The following GCM1 variants were observed in gnomAD, a reference collection of about 807,000 sequenced individuals.
GCM1 encodes GCM transcription factor 1.
In GCM1, 2 loss-of-function variants were observed where a neutral mutation model predicts 25.7. The ratio of observed to expected loss-of-function variants is 0.08; its 90% CI spans 0.03 to 0.24. GCM1 has a LOEUF of 0.24. Among genes scored for constraint, GCM1 ranks in the 10% least tolerant of loss-of-function variants. GCM1 has a pLI of 1.00. For missense variants in GCM1, 395 were observed against 538.7 expected, an observed-to-expected ratio of 0.73 and a Z score of 2.64; for synonymous variants, 183 against 195.7, an observed-to-expected ratio of 0.94 and a Z score of 0.54.
At chr6:53,132,354 A>T (rs1380175815) in intron 3 of GCM1, among the ~76,000 whole-genome samples, 1 of 152,200 alleles carries the variant, frequency 6.6e-6, no homozygotes, top group Non-Finnish European at 1.5e-5. Flanking sequence ...ACCAAGTAGG[A>T]TATTTCACAG....
Position 53,128,650 on chromosome 6 carries a change from A to G in GCM1, c.867T>C (p.Ser289=). 1 of 1,613,958 alleles carries G rather than the reference A, an allele frequency of 6.2e-7. No homozygotes were observed. The highest frequency in any genetic ancestry group is 8.5e-7 in the Non-Finnish European group (1 of 1,179,816). The change falls in exon 6 of 6, where the codon TCT becomes TCC. Residue 289 remains serine (S), a synonymous_variant. Transcript: ENST00000259803. ...LLPPSASGVY[S]DHGDLQAWSK... ...TCCACGCTTGTAGATCGCCATGATC[A>G]GAGTAGACTCCGGAGGCAGAAGGAG...
chr6:53,131,994 T>C lies in GCM1; in HGVS notation c.441+13A>G, dbSNP rs1480706945. 1 of 1,513,708 alleles carries C rather than the reference T, an allele frequency of 6.6e-7. No homozygotes were observed. Among genetic ancestry groups the C allele is most frequent in the Admixed American group, 1.7e-5 (1 of 59,896 alleles). The allele number at this position is 1,513,708 out of a possible 1,614,324, so 93.8% of individuals were successfully genotyped here. On this transcript the variant is annotated intron_variant, in intron 4 of 5. Coordinates refer to ENST00000259803, the MANE Select transcript of GCM1 (RefSeq NM_003643.4). ...GTAATGAAACTCTCACGTAACTAAC[T>C]CAAAAATCCAACCTGGAAAAATATA...
rs10629921 is a variant in GCM1 at position 53,140,530 on chromosome 6, CA to C, written c.75+5027del. Among the ~76,000 whole-genome samples, 262 of 128,544 alleles carry C rather than the reference CA, an allele frequency of 2.0e-3. 1 individual carries two copies. Among genetic ancestry groups the C allele is most frequent in the African/African-American group, 6.1e-3 (213 of 35,200 alleles). 84.3% of individuals were successfully genotyped at this position (128,544 alleles called of 152,430 possible). A position where few individuals can be genotyped will look rare whatever the true frequency, so the allele number is the denominator to read the frequency against. On this transcript the variant is annotated intron_variant, in intron 2 of 5. Transcript: ENST00000259803. ...CTATACTAGAGAATGTTCTCTCTAC[CA>C]AAAAAAAAAAAAAAAAGTACTTAAA...
intron 1 of GCM1, among the ~76,000 whole-genome samples, chr6:53,146,954 A>T (rs1246966136): frequency 2.0e-5 from 3 of 152,146 alleles, no homozygotes; most frequent in Non-Finnish European, 2.9e-5. Context: ...GGATTACCCG[A>T]GCCCAGGAGG....
At chr6:53,131,081 C>T (rs756270055) in intron 4 of GCM1, 150 bp from the exon 5 acceptor site, 90 of 696,918 alleles carry the variant, frequency 1.3e-4, no homozygotes, top group Admixed American at 7.6e-5. Flanking sequence ...CCTCTGAAGG[C>T]GCTCCCAAGC....
At chr6:53,148,100 T>A (rs375586663) in intron 1 of GCM1, among the ~76,000 whole-genome samples, 4 of 152,214 alleles carry the variant, frequency 2.6e-5, no homozygotes, top group Non-Finnish European at 5.9e-5. Context: ...AGTAAAATTC[T>A]ATGTTTAGGA....
rs745761112 is a variant in GCM1 at position 53,130,835 on chromosome 6, A to G, written c.538T>C (p.Ser180Pro). ...TCTGTGCTCCCCTTCAGGCTCAATG[A>G]GACGGAGGAAGGTGCTGTGTTCACT... ...KKVNTAPSSV[S>P]LSLKGSTETR... The change falls in exon 5 of 6, where the codon TCA becomes CCA. Residue 180 changes from serine (S) to proline (P), a missense_variant. Transcript: ENST00000259803. The G allele has an allele frequency of 6.2e-7, 1 of 1,613,908 alleles. No individual in the cohort carries two copies. The highest frequency in any genetic ancestry group is 2.2e-5 in the East Asian group (1 of 44,884).
chr6:53,141,335 T>C (rs890174124), intron 2 of GCM1, among the ~76,000 whole-genome samples: 3 of 152,192 alleles, frequency 2.0e-5, no homozygotes, highest in African/African-American at 4.8e-5. Flanking sequence ...TCTGAACTAG[T>C]TAAAGACACA....
At chr6:53,146,224 T>A (rs920993979) in intron 1 of GCM1, among the ~76,000 whole-genome samples, 1,468 of 86,988 alleles carry the variant, frequency 0.017, 7 homozygotes, top group East Asian at 0.059. Flanking sequence ...ATATTTTTTT[T>A]TTTTTTTTTT....
chr6:53,138,310 T>A (rs1274440726), intron 2 of GCM1, among the ~76,000 whole-genome samples: 5 of 148,842 alleles, frequency 3.4e-5, no homozygotes, highest in Non-Finnish European at 7.4e-5. Context: ...GCAGTAATAA[T>A]TTGGACAACG....
intron 2 of GCM1, among the ~76,000 whole-genome samples, chr6:53,141,071 T>C (rs953113519): frequency 3.3e-5 from 5 of 152,204 alleles, no homozygotes; most frequent in Admixed American, 1.3e-4. Context: ...CAGAGTCATG[T>C]TGAACTGCAC....
intron 1 of GCM1, 149 bp downstream of exon 1, chr6:53,148,605 C>CT (rs940260223): frequency 6.6e-6 from 1 of 152,110 alleles, no homozygotes; most frequent in East Asian, 1.9e-4. Flanking sequence ...GTCAAGACTC[C>CT]TTTTTTTAAA....
intron 3 of GCM1, among the ~76,000 whole-genome samples, chr6:53,133,639 A>G (rs1403506045): frequency 2.6e-5 from 4 of 152,064 alleles, no homozygotes; most frequent in Non-Finnish European, 5.9e-5. Flanking sequence ...CCACAGGCAT[A>G]TGCAACCACA....
Position 53,128,913 on chromosome 6 carries a change from A to G in GCM1, c.604T>C (p.Leu202=). Residue 202 remains leucine (L), a synonymous_variant, in exon 6 of 6, where the codon TTA becomes CTA. Coordinates refer to ENST00000259803, the MANE Select transcript of GCM1 (RefSeq NM_003643.4). ...LPGETQSQGS[L]PLTWSFQEGV... is the part of the protein sequence containing the mutation. ...TCCTGGAAAGACCAAGTTAAAGGTA[A>G]ACTCCCCTGACTTTGTGTTTCACCT... 6.2e-7 allele frequency: 1 copy of G among 1,613,488 alleles called. No individual in the cohort carries two copies. The highest frequency in any genetic ancestry group is 8.5e-7 in the Non-Finnish European group (1 of 1,179,436).
chr6:53,144,037 G>A (rs1763918279), intron 2 of GCM1, among the ~76,000 whole-genome samples: 1 of 152,166 alleles, frequency 6.6e-6, no homozygotes. Flanking sequence ...GTGGTGTCCA[G>A]TCCTAGCCTT....
chr6:53,132,066 G>T lies in GCM1; in HGVS notation c.382C>A (p.His128Asn). Residue 128 changes from histidine (H) to asparagine (N), a missense_variant, in exon 4 of 6, where the codon CAT (histidine) becomes AAT (asparagine). By Grantham distance (68) the His-to-Asn change is moderately conservative (BLOSUM62 1). Coordinates refer to ENST00000259803, the MANE Select transcript of GCM1 (RefSeq NM_003643.4). ...AAGTTGGTGACCGGGAAGCCCCCAT[G>T]ACCTCGGCAAGGGATGAGCTTCAGA... ...GPLKLIPCRG[H>N]GGFPVTNFWR... 1 of 1,613,624 alleles carries T rather than the reference G, an allele frequency of 6.2e-7. No individual in the cohort carries two copies. The highest frequency in any genetic ancestry group is 2.2e-5 in the East Asian group (1 of 44,882).
chr6:53,134,984 T>C (rs1763778937), intron 2 of GCM1, among the ~76,000 whole-genome samples: 1 of 152,168 alleles, frequency 6.6e-6, no homozygotes, highest in African/African-American at 2.4e-5. Context: ...TCCCCAGAGA[T>C]TTTCTTCCTT....
chr6:53,143,592 T>C (rs763286014), intron 2 of GCM1, among the ~76,000 whole-genome samples: 21 of 152,190 alleles, frequency 1.4e-4, no homozygotes, highest in Non-Finnish European at 2.6e-4. Flanking sequence ...GGTGAAAATA[T>C]GGGTCCTGGA....
chr6:53,137,985 TA>T (rs1243924303), intron 2 of GCM1, among the ~76,000 whole-genome samples: 1 of 150,672 alleles, frequency 6.6e-6, no homozygotes, highest in Non-Finnish European at 1.5e-5. Context: ...CCAGTTCTAT[TA>T]ATAATGCAGT....
Sources: allele counts gnomAD v4.1 joint callset (sites outside exome capture counted in the v4.1 genomes callset), GRCh38; gene constraint gnomAD v4.1.1; transcripts MANE v1.5; gene names NCBI Gene and HGNC (gene_info 2026-07-23, HGNC 2026-07-21).